SCYL2: variants seen among roughly 807,000 people sequenced by gnomAD.
SCYL2 encodes SCY1 like pseudokinase 2, also known as SCY1-like protein 2.
SCYL2 carries 36 observed loss-of-function variants against 100.4 expected under a neutral mutation model. The ratio of observed to expected loss-of-function variants is 0.36; its 90% CI spans 0.27 to 0.47. SCYL2 has a LOEUF of 0.47. SCYL2 is among the 20% of genes least tolerant of loss of function. The pLI, the probability that SCYL2 is intolerant of heterozygous loss-of-function variation, is 1.00. For missense variants in SCYL2, 902 were observed against 1,083.9 expected, an observed-to-expected ratio of 0.83 and a Z score of 2.36; for synonymous variants, 330 against 359.2, an observed-to-expected ratio of 0.92 and a Z score of 0.92.
chr12:100,322,958 G>A (rs1379625353), intron 10 of SCYL2, among the ~76,000 whole-genome samples: 1 of 151,214 alleles, frequency 6.6e-6, no homozygotes. Flanking sequence ...AGACTGGGAG[G>A]TTGATGCTGC....
intron 4 of SCYL2, among the ~76,000 whole-genome samples, chr12:100,308,426 G>A (rs1025607267): frequency 1.4e-4 from 21 of 152,104 alleles, no homozygotes; most frequent in African/African-American, 4.8e-4. Flanking sequence ...TTATAAGTGG[G>A]AGTTGAACAG....
intron 4 of SCYL2, among the ~76,000 whole-genome samples, chr12:100,305,746 A>T (rs908778847): frequency 1.3e-4 from 20 of 150,504 alleles, no homozygotes; most frequent in South Asian, 2.1e-4. Flanking sequence ...TTAAAGATTA[A>T]CAAAATAGAC....
chr12:100,339,461 A>G lies in SCYL2; in HGVS notation c.*289A>G, dbSNP rs78779873. 0.012 allele frequency: 3,990 copies of G among 346,444 alleles called. 93 individuals are homozygous for G. The highest frequency in any genetic ancestry group is 0.011 in the Non-Finnish European group (2,112 of 190,500). 21.5% of individuals were successfully genotyped at this position (346,444 alleles called of 1,614,324 possible). On this transcript the variant is annotated 3_prime_UTR_variant, in exon 18 of 18. Transcript: ENST00000360820. The stretch of plus-strand genomic sequence containing the variant: ...AGGAAACTGAGTTATCTTGAATAAC[A>G]TAACTTTTTAATCAAATGTTTATTT...
intron 4 of SCYL2, among the ~76,000 whole-genome samples, chr12:100,305,637 A>C (rs1401147590): frequency 6.6e-6 from 1 of 152,110 alleles, no homozygotes; most frequent in Admixed American, 6.5e-5. Context: ...AAGACAATAA[A>C]TAACTAAGAT....
intron 10 of SCYL2, among the ~76,000 whole-genome samples, chr12:100,321,934 C>T (rs909971964): frequency 1.1e-4 from 16 of 151,188 alleles, no homozygotes; most frequent in Admixed American, 8.6e-4. Flanking sequence ...CCTGTAGTGC[C>T]AGCTACTTGG....
At chr12:100,273,460 T>G (rs79275659) in intron 1 of SCYL2, among the ~76,000 whole-genome samples, 3,764 of 152,264 alleles carry the variant, frequency 0.025, 153 homozygotes, top group African/African-American at 0.085. Flanking sequence ...TCATAGCTTA[T>G]TTTTCATTTA....
At position 100,324,052 on chromosome 12, in the gene SCYL2, C is replaced by T. The variant is rs116157608; in HGVS notation, c.1509+414C>T. ...CTCTAAATGTCTTATTTCTCACTGA[C>T]TTGCCCACTTCTTAAAAAAGTAGAG... On this transcript the variant is annotated intron_variant, in intron 11 of 17. Coordinates refer to ENST00000360820, the MANE Select transcript of SCYL2 (RefSeq NM_017988.6). Among the ~76,000 whole-genome samples, 1,267 of 152,196 alleles carry T rather than the reference C, an allele frequency of 8.3e-3. 19 individuals are homozygous for T. The highest frequency in any genetic ancestry group is 0.028 in the African/African-American group (1,183 of 41,536).
At chr12:100,277,302 C>A (rs566386545) in intron 1 of SCYL2, among the ~76,000 whole-genome samples, 1 of 152,156 alleles carries the variant, frequency 6.6e-6, no homozygotes, top group Non-Finnish European at 1.5e-5. Context: ...AAGTCTCTGT[C>A]CTTACTGATT....
chr12:100,317,447 T>C (rs1228454490), intron 9 of SCYL2, among the ~76,000 whole-genome samples: 7 of 152,316 alleles, frequency 4.6e-5, no homozygotes, highest in Middle Eastern at 3.4e-3. Flanking sequence ...TTGAGCTTCA[T>C]AGAAGCCAAG....
chr12:100,298,849 TG>T (rs2096324127), intron 4 of SCYL2, among the ~76,000 whole-genome samples: 2 of 152,234 alleles, frequency 1.3e-5, no homozygotes, highest in Admixed American at 1.3e-4. Flanking sequence ...CCCAAAGTGC[TG>T]GGATTACAAG....
chr12:100,289,620 G>A (rs531023758), intron 2 of SCYL2, among the ~76,000 whole-genome samples: 3 of 152,274 alleles, frequency 2.0e-5, no homozygotes, highest in South Asian at 2.1e-4. Flanking sequence ...TTTAGCTGTA[G>A]AGTGTATTAT....
chr12:100,284,754 C>T (rs921926624), intron 2 of SCYL2, among the ~76,000 whole-genome samples: 5 of 152,152 alleles, frequency 3.3e-5, no homozygotes, highest in African/African-American at 7.2e-5. Flanking sequence ...TGAGCCACCG[C>T]GCCCGGCCTA....
rs541915531 is a variant in SCYL2 at position 100,306,330 on chromosome 12, G to A, written c.481-4714G>A. Among the ~76,000 whole-genome samples, 44 of 152,304 alleles carry A rather than the reference G, an allele frequency of 2.9e-4. No homozygotes were observed. In the South Asian group the frequency reaches 6.4e-3, roughly 22 times the overall value. ...ATGATCAAGTCGGCTTCATCCGTGG[G>A]ATGCAAGGCTGGTTCAACATATGCA... On this transcript the variant is annotated intron_variant, in intron 4 of 17. Transcript: ENST00000360820.
intron 2 of SCYL2, among the ~76,000 whole-genome samples, chr12:100,284,212 A>T (rs771245075): frequency 2.6e-5 from 4 of 152,238 alleles, no homozygotes; most frequent in Non-Finnish European, 5.9e-5. Flanking sequence ...GGTTCTAGGT[A>T]GTTGTGGTAA....
At chr12:100,332,153 T>G (rs748071521) in intron 13 of SCYL2, among the ~76,000 whole-genome samples, 1 of 152,186 alleles carries the variant, frequency 6.6e-6, no homozygotes, top group Admixed American at 6.5e-5. Flanking sequence ...GGATTCCCCT[T>G]GTAATGAATT....
At chr12:100,268,275 C>T (rs892540376) in intron 1 of SCYL2, among the ~76,000 whole-genome samples, 1 of 152,148 alleles carries the variant, frequency 6.6e-6, no homozygotes, top group Non-Finnish European at 1.5e-5. Context: ...AGCCTATCTC[C>T]GTTCTGAAAA....
rs1462382559 is a variant in SCYL2, at chr12:100,291,609, G to A, written c.284G>A (p.Arg95Gln). 5.0e-6 allele frequency: 8 copies of A among 1,598,786 alleles called. No individual in the cohort carries two copies. The Admixed American group carries it at 5.3e-5, about 10-fold the overall frequency. Residue 95 changes from arginine to glutamine, a missense_variant, in exon 3 of 18, where the codon CGG (arginine) becomes CAG (glutamine). Transcript: ENST00000360820. Reference protein sequence around the residue: ...SLKRGVQQLTRLRHPRLLTVQ... With the variant: ...SLKRGVQQLTQLRHPRLLTVQ... ...AAACGAGGAGTCCAACAGTTAACTC[G>A]GCTTCGACACCCTCGACTTCTTACT... is the stretch of plus-strand genomic sequence containing the variant.
intron 2 of SCYL2, among the ~76,000 whole-genome samples, chr12:100,285,062 A>G (rs1420070625): frequency 1.3e-5 from 2 of 152,200 alleles, no homozygotes; most frequent in Non-Finnish European, 2.9e-5. Flanking sequence ...TTAATAACTT[A>G]TGTTCAGCAT....
At chr12:100,270,445 A>T (rs1342436212) in intron 1 of SCYL2, among the ~76,000 whole-genome samples, 1 of 152,122 alleles carries the variant, frequency 6.6e-6, no homozygotes, top group Admixed American at 6.5e-5. Flanking sequence ...TTAAAAAAAA[A>T]TTACAATAAT....
Sources: gnomAD v4.1 joint callset for allele counts (sites outside exome capture counted in the v4.1 genomes callset) on GRCh38, gnomAD v4.1.1 for gene constraint, MANE v1.5 for transcripts, NCBI Gene and HGNC (gene_info 2026-07-23, HGNC 2026-07-21) for gene names.